The following ATP9A variants were observed in gnomAD, a reference collection of about 807,000 sequenced individuals.
ATP9A encodes the protein probable phospholipid-transporting ATPase IIA.
Under a neutral mutation model 144.1 loss-of-function variants are expected in ATP9A, and 52 were observed. That is an observed-to-expected ratio of 0.36 (90% CI 0.29 to 0.45). The LOEUF is 0.45. Among genes scored for constraint, ATP9A ranks in the 20% least tolerant of loss-of-function variants. ATP9A has a pLI of 1.00. For synonymous variants in ATP9A, 582 were observed against 557.4 expected (o/e 1.04, Z -0.62); for missense variants, 947 against 1,392.7 (o/e 0.68, Z 5.09).
intron 9 of ATP9A, among the ~76,000 whole-genome samples, chr20:51,684,493 G>C (rs948794848): frequency 6.6e-6 from 1 of 151,052 alleles, no homozygotes; most frequent in African/African-American, 2.4e-5. Context: ...TCAGGCGATT[G>C]AGACCATCCT....
At chr20:51,722,215 C>G (rs112491688) in intron 3 of ATP9A, among the ~76,000 whole-genome samples, 176 of 152,312 alleles carry the variant, frequency 1.2e-3, no homozygotes, top group African/African-American at 4.1e-3. Context: ...GGACTTAAAT[C>G]TAAGTCCTGA....
At chr20:51,635,067 A>G (rs1296978993) in intron 15 of ATP9A, among the ~76,000 whole-genome samples, 1 of 151,998 alleles carries the variant, frequency 6.6e-6, no homozygotes, top group East Asian at 1.9e-4. Flanking sequence ...CTTGCTTCTG[A>G]TAACAGCATG....
intron 17 of ATP9A, 60 bp downstream of exon 17, chr20:51,627,540 G>C: frequency 7.0e-7 from 1 of 1,431,592 alleles, no homozygotes; most frequent in Admixed American, 1.7e-5. Context: ...GATGGTGGAA[G>C]GAGTGACTGG....
At chr20:51,613,603 G>A in intron 23 of ATP9A, 74 bp downstream of exon 23, 3 of 1,444,472 alleles carry the variant, frequency 2.1e-6, no homozygotes, top group South Asian at 2.8e-5. Flanking sequence ...TACATGTGCA[G>A]AGGGAGCAGC....
intron 16 of ATP9A, 104 bp from the exon 17 acceptor site, chr20:51,627,787 G>T: frequency 1.1e-6 from 1 of 914,074 alleles, no homozygotes; most frequent in Non-Finnish European, 1.7e-6. Flanking sequence ...CAGGGTCAGA[G>T]AAAATGGCAA....
chr20:51,767,815 G>A (rs2077911892), intron 1 of ATP9A, among the ~76,000 whole-genome samples: 1 of 152,228 alleles, frequency 6.6e-6, no homozygotes, highest in Non-Finnish European at 1.5e-5. Flanking sequence ...GGGACCCAGG[G>A]GCGCTGATGG....
intron 3 of ATP9A, 22 bp downstream of exon 3, chr20:51,725,797 C>A (rs780383122): frequency 6.7e-7 from 1 of 1,488,108 alleles, no homozygotes; most frequent in Non-Finnish European, 9.4e-7. Flanking sequence ...GGTTACTGAA[C>A]AAACAATGCC....
chr20:51,662,160 G>A (rs1013842359), intron 13 of ATP9A, among the ~76,000 whole-genome samples: 4 of 152,192 alleles, frequency 2.6e-5, no homozygotes, highest in Non-Finnish European at 4.4e-5. Flanking sequence ...GTGAGTTAGC[G>A]CAACTGAACT....
chr20:51,673,676 A>T (rs1345054441), intron 11 of ATP9A, among the ~76,000 whole-genome samples: 1 of 152,110 alleles, frequency 6.6e-6, no homozygotes, highest in Non-Finnish European at 1.5e-5. Context: ...GAGGAATGTG[A>T]TCTTCTGGTG....
At chr20:51,605,099 C>G (rs1342997287) in intron 26 of ATP9A, 79 bp from the exon 27 acceptor site, 11 of 1,291,672 alleles carry the variant, frequency 8.5e-6, no homozygotes, top group African/African-American at 1.5e-5. Flanking sequence ...TGGCTCCTTT[C>G]CGCAGTTTTC....
At chr20:51,663,781 G>C (rs1167978153) in intron 13 of ATP9A, among the ~76,000 whole-genome samples, 1 of 139,542 alleles carries the variant, frequency 7.2e-6, no homozygotes, top group Non-Finnish European at 1.5e-5. Context: ...GAAACAGAGC[G>C]AGACTCCGTC....
Position 51,768,388 on chromosome 20 carries a change from CT to C in ATP9A, c.-20del. 8.9e-7 allele frequency: 1 copy of C among 1,124,956 alleles called. No homozygotes were observed. The highest frequency in any genetic ancestry group is 1.1e-6 in the Non-Finnish European group (1 of 919,010). The allele number at this position is 1,124,956 out of a possible 1,614,324, so 69.7% of individuals were successfully genotyped here. ...CCGTCATGTCGGCGGCGCCGCCCGC[CT>C]TGGCCGCCGCGCCCCCCGCGCCGCC... On this transcript the variant is annotated 5_prime_UTR_variant, in exon 1 of 28. Transcript: ENST00000338821.
At chr20:51,671,024 T>G (rs1338393504) in intron 12 of ATP9A, 91 bp downstream of exon 12, 1 of 1,421,346 alleles carries the variant, frequency 7.0e-7, no homozygotes, top group Admixed American at 1.8e-5. Context: ...GCATCTCTCA[T>G]ATGTCCAGAG....
At chr20:51,717,622 G>C (rs113507910) in intron 3 of ATP9A, among the ~76,000 whole-genome samples, 1 of 142,334 alleles carries the variant, frequency 7.0e-6, no homozygotes, top group Non-Finnish European at 1.6e-5. Flanking sequence ...GCAGAGGTGG[G>C]AGTAGGGGCA....
At chr20:51,639,549 C>G in intron 14 of ATP9A, 45 bp from the exon 15 acceptor site, 2 of 1,568,852 alleles carry the variant, frequency 1.3e-6, no homozygotes, top group Non-Finnish European at 1.7e-6. Context: ...AGCCGAGAAT[C>G]TGGGTTCACA....
intron 14 of ATP9A, among the ~76,000 whole-genome samples, chr20:51,655,856 T>C (rs1036105046): frequency 1.3e-5 from 2 of 149,456 alleles, no homozygotes; most frequent in South Asian, 2.1e-4. Context: ...GCATTATCTA[T>C]ATAGACAAAA....
At chr20:51,671,689 C>T (rs985325612) in intron 11 of ATP9A, among the ~76,000 whole-genome samples, 8 of 152,218 alleles carry the variant, frequency 5.3e-5, no homozygotes, top group African/African-American at 1.9e-4. Flanking sequence ...ATTCTTTCAT[C>T]TTCCCAAACT....
intron 1 of ATP9A, among the ~76,000 whole-genome samples, chr20:51,756,637 G>C (rs2077857494): frequency 1.3e-5 from 2 of 152,032 alleles, no homozygotes; most frequent in Non-Finnish European, 2.9e-5. Flanking sequence ...GGGCTGGATG[G>C]AAAAGGGCCC....
At chr20:51,694,328 T>C (rs2077561519) in intron 6 of ATP9A, among the ~76,000 whole-genome samples, 1 of 152,188 alleles carries the variant, frequency 6.6e-6, no homozygotes, top group South Asian at 2.1e-4. Flanking sequence ...GATCCCCAGC[T>C]AGTTTCTTGG....
Sources: allele counts gnomAD v4.1 joint callset (sites outside exome capture counted in the v4.1 genomes callset), GRCh38; gene constraint gnomAD v4.1.1; transcripts MANE v1.5; gene names NCBI Gene and HGNC (gene_info 2026-07-23, HGNC 2026-07-21).